OPCML: variants seen among roughly 807,000 people sequenced by gnomAD.
The protein encoded by OPCML is opioid binding protein/cell adhesion molecule like, also known as opioid-binding protein/cell adhesion molecule.
A neutral mutation model predicts 37.8 loss-of-function variants in OPCML; 13 were observed. The ratio of observed to expected loss-of-function variants is 0.34; its 90% confidence interval spans 0.22 to 0.55. OPCML has a LOEUF of 0.55. Among genes scored for constraint, OPCML ranks in the 20% least tolerant of loss-of-function variants. The probability of loss-of-function intolerance (pLI) is 0.91; values close to 1 mark genes in which losing one functional copy is unlikely to be tolerated. For missense variants in OPCML, 341 were observed against 435.6 expected (o/e 0.78, Z 1.93); for synonymous variants, 176 against 168.8 (o/e 1.04, Z -0.33).
intron 2 of OPCML, among the ~76,000 whole-genome samples, chr11:132,716,459 G>A (rs1389083244): frequency 2.0e-5 from 3 of 149,050 alleles, no homozygotes; most frequent in Non-Finnish European, 4.5e-5. Flanking sequence ...TCTATCATCT[G>A]TCTACCTACC....
At chr11:133,452,084 A>G (rs997652638) in intron 1 of OPCML, among the ~76,000 whole-genome samples, 1 of 151,686 alleles carries the variant, frequency 6.6e-6, no homozygotes, top group African/African-American at 2.4e-5. Context: ...CAATGTCCAG[A>G]ATATAATCAA....
At chr11:133,079,400 T>C (rs890611358) in intron 1 of OPCML, among the ~76,000 whole-genome samples, 4 of 152,286 alleles carry the variant, frequency 2.6e-5, no homozygotes, top group African/African-American at 9.6e-5. Context: ...CTGGAGTAGA[T>C]GGTGCTTCAG....
chr11:132,604,706 C>T (rs980919500), intron 3 of OPCML, among the ~76,000 whole-genome samples: 2 of 152,176 alleles, frequency 1.3e-5, no homozygotes, highest in Non-Finnish European at 2.9e-5. Context: ...AATGCAGAAT[C>T]GACTTTGTCA....
At chr11:132,451,493 C>T (rs1276466517) in intron 4 of OPCML, among the ~76,000 whole-genome samples, 2 of 152,172 alleles carry the variant, frequency 1.3e-5, no homozygotes, top group Admixed American at 6.5e-5. Flanking sequence ...GGTCTGGCTT[C>T]TGTGTTGAAG....
intron 2 of OPCML, among the ~76,000 whole-genome samples, chr11:132,699,069 A>C (rs760392864): frequency 6.6e-6 from 1 of 151,908 alleles, no homozygotes; most frequent in African/African-American, 2.4e-5. Context: ...TTCAGTGTAC[A>C]AGTCTTTTAC....
intron 1 of OPCML, among the ~76,000 whole-genome samples, chr11:133,383,393 A>G (rs1178985641): frequency 6.6e-6 from 1 of 152,202 alleles, no homozygotes; most frequent in East Asian, 1.9e-4. Flanking sequence ...AACTTGCCCA[A>G]GGCCATACAG....
At chr11:132,941,951 C>A (rs1432281595) in intron 2 of OPCML, among the ~76,000 whole-genome samples, 3 of 152,168 alleles carry the variant, frequency 2.0e-5, no homozygotes, top group Non-Finnish European at 1.5e-5. Context: ...GGAAGCCAGG[C>A]ATTTTGGCTG....
chr11:133,179,737 T>A (rs138061077), intron 1 of OPCML, among the ~76,000 whole-genome samples: 1 of 152,144 alleles, frequency 6.6e-6, no homozygotes, highest in African/African-American at 2.4e-5. Context: ...GGAAACAAGA[T>A]GTTGGAACTA....
chr11:133,396,748 C>T (rs998964977), intron 1 of OPCML, among the ~76,000 whole-genome samples: 42 of 152,194 alleles, frequency 2.8e-4, no homozygotes, highest in African/African-American at 9.2e-4. Flanking sequence ...TTGAGCACAC[C>T]CACCATTTTC....
chr11:133,530,636 C>A (rs960531523), intron 1 of OPCML, among the ~76,000 whole-genome samples: 1 of 152,158 alleles, frequency 6.6e-6, no homozygotes, highest in Non-Finnish European at 1.5e-5. Flanking sequence ...CCAGGCTGGA[C>A]CCCCTAGGAT....
At chr11:132,655,958 C>T (rs1212296114) in intron 3 of OPCML, among the ~76,000 whole-genome samples, 1 of 144,792 alleles carries the variant, frequency 6.9e-6, no homozygotes, top group Non-Finnish European at 1.5e-5. Context: ...AAAAAAAATT[C>T]TGTTGGATCT....
chr11:132,710,550 T>TA (rs1944218930), intron 2 of OPCML, among the ~76,000 whole-genome samples: 1 of 152,158 alleles, frequency 6.6e-6, no homozygotes, highest in Non-Finnish European at 1.5e-5. Context: ...AGCTTTCATA[T>TA]TGACTTTAAA....
intron 2 of OPCML, among the ~76,000 whole-genome samples, chr11:132,691,020 T>C (rs1171718199): frequency 1.3e-5 from 2 of 152,202 alleles, no homozygotes; most frequent in Admixed American, 1.3e-4. Flanking sequence ...GATCTTGCTC[T>C]TGCATAGAAG....
intron 1 of OPCML, among the ~76,000 whole-genome samples, chr11:133,498,517 C>A (rs575624332): frequency 6.6e-6 from 1 of 152,176 alleles, no homozygotes. Flanking sequence ...CAGCCTTCCT[C>A]GCACCATCTG....
intron 1 of OPCML, among the ~76,000 whole-genome samples, chr11:133,084,737 A>T (rs1237330010): frequency 6.6e-6 from 1 of 152,178 alleles, no homozygotes; most frequent in East Asian, 1.9e-4. Context: ...TGCGAGTATG[A>T]GATCACCTGT....
chr11:133,339,169 GATTTT>G (rs1014574847), intron 1 of OPCML, among the ~76,000 whole-genome samples: 1 of 152,158 alleles, frequency 6.6e-6, no homozygotes, highest in African/African-American at 2.4e-5. Flanking sequence ...AGCAAAATAT[GATTTT>G]ATTATTAATA....
chr11:132,649,955 T>C (rs896194239), intron 3 of OPCML, among the ~76,000 whole-genome samples: 2 of 148,988 alleles, frequency 1.3e-5, no homozygotes, highest in African/African-American at 5.0e-5. Flanking sequence ...ACACACACAG[T>C]TTTCATGTCT....
At chr11:132,864,238 T>C (rs1338792874) in intron 2 of OPCML, among the ~76,000 whole-genome samples, 2 of 152,160 alleles carry the variant, frequency 1.3e-5, no homozygotes, top group Non-Finnish European at 2.9e-5. Context: ...GCACCCAGCC[T>C]GATTTTTTAT....
At position 132,825,761 on chromosome 11, in the gene OPCML, ATGTC is replaced by A. The variant is rs1940279894; in HGVS notation, c.146+117161_146+117164del. On this transcript the variant is annotated intron_variant, in intron 2 of 7. Transcript: ENST00000524381. Reference sequence around the variant, plus strand: ...CCTAAATGCATTATTAATTGGTAGAATGTCTGTTAGTTTAACAAAGTGAAGGGAA... The same window carrying A: ...CCTAAATGCATTATTAATTGGTAGAATGTTAGTTTAACAAAGTGAAGGGAA... Among the ~76,000 whole-genome samples, 3 of 152,326 alleles carry A rather than the reference ATGTC, an allele frequency of 2.0e-5. No individual in the cohort carries two copies. In the South Asian group the frequency reaches 6.2e-4, roughly 32 times the overall value.
Sources: gnomAD v4.1 joint callset for allele counts (sites outside exome capture counted in the v4.1 genomes callset) on GRCh38, gnomAD v4.1.1 for gene constraint, MANE v1.5 for transcripts, NCBI Gene and HGNC (gene_info 2026-07-23, HGNC 2026-07-21) for gene names.